The following NEGR1 variants were observed in gnomAD, a reference collection of about 807,000 sequenced individuals.
NEGR1 encodes the protein IgLON family member 4.
Under a neutral mutation model 40.9 loss-of-function variants are expected in NEGR1, and 10 were observed. That is an observed-to-expected ratio of 0.24 (90% confidence interval 0.15 to 0.42). The LOEUF (loss-of-function observed/expected upper bound fraction) is 0.42, where lower values mean the gene tolerates loss of function less well. Among genes scored for constraint, NEGR1 ranks in the 10% least tolerant of loss-of-function variants. NEGR1 has a pLI of 1.00. For missense variants in NEGR1, 352 were observed against 438.9 expected (o/e 0.80, Z 1.77); for synonymous variants, 185 against 166.8 (o/e 1.11, Z -0.84).
At chr1:72,165,089 A>C (rs1412477112) in intron 1 of NEGR1, among the ~76,000 whole-genome samples, 1 of 151,980 alleles carries the variant, frequency 6.6e-6, no homozygotes, top group Non-Finnish European at 1.5e-5. Context: ...CATTGGTATT[A>C]TATTAAACAA....
intron 5 of NEGR1, among the ~76,000 whole-genome samples, chr1:71,600,034 A>G (rs1239137464): frequency 6.6e-6 from 1 of 152,222 alleles, no homozygotes; most frequent in Non-Finnish European, 1.5e-5. Context: ...CATTTCTCAG[A>G]AACTATATTC....
rs192566768 is a variant in NEGR1, at chr1:71,614,944, A to C, written c.668-3798T>G. Among the ~76,000 whole-genome samples the C allele has an allele frequency of 3.1e-3, 470 of 152,318 alleles. 5 individuals carry two copies. Among genetic ancestry groups the C allele is most frequent in the Non-Finnish European group, 3.2e-3 (221 of 68,036 alleles). ...TATGATGGACACCGAAAATGGAAAG[A>C]TATCTAAAATGTCACATGGAAATAT... On this transcript the variant is annotated intron_variant, in intron 4 of 6. Transcript: ENST00000357731.
At chr1:71,642,856 T>C (rs1450966096) in intron 4 of NEGR1, among the ~76,000 whole-genome samples, 1 of 152,024 alleles carries the variant, frequency 6.6e-6, no homozygotes, top group African/African-American at 2.4e-5. Context: ...TTGTGGTCTT[T>C]CTTTTTCTGA....
At chr1:72,216,384 C>CATATATATATATATACATATATAT (rs1653812818) in intron 1 of NEGR1, among the ~76,000 whole-genome samples, 1 of 129,260 alleles carries the variant, frequency 7.7e-6, no homozygotes, top group Non-Finnish European at 1.6e-5. Flanking sequence ...TATATATATA[C>CATATATATATATATACATATATAT]ATATATATAT....
intron 6 of NEGR1, among the ~76,000 whole-genome samples, chr1:71,587,718 G>GT (rs1432804362): frequency 1.3e-5 from 2 of 151,740 alleles, no homozygotes; most frequent in Admixed American, 1.3e-4. Flanking sequence ...ATTAGGACTT[G>GT]TAGAACCTAT....
At chr1:71,666,828 T>C (rs1377365715) in intron 4 of NEGR1, among the ~76,000 whole-genome samples, 1 of 152,220 alleles carries the variant, frequency 6.6e-6, no homozygotes. Flanking sequence ...TAAGTTTCAT[T>C]GCAAACCACA....
At chr1:72,099,961 A>G (rs1305946832) in intron 1 of NEGR1, among the ~76,000 whole-genome samples, 2 of 152,018 alleles carry the variant, frequency 1.3e-5, no homozygotes, top group Non-Finnish European at 1.5e-5. Context: ...ACATTCTTAT[A>G]TTTAACCATT....
At chr1:71,722,156 G>C (rs570581217) in intron 3 of NEGR1, among the ~76,000 whole-genome samples, 1 of 152,152 alleles carries the variant, frequency 6.6e-6, no homozygotes, top group Non-Finnish European at 1.5e-5. Flanking sequence ...AGATTGAGGA[G>C]GCATGAGTAG....
intron 1 of NEGR1, among the ~76,000 whole-genome samples, chr1:72,248,134 T>C (rs1654962010): frequency 2.0e-5 from 3 of 152,080 alleles, no homozygotes; most frequent in African/African-American, 7.2e-5. Flanking sequence ...CCAGCCCCAC[T>C]TCCAGCACTG....
intron 3 of NEGR1, among the ~76,000 whole-genome samples, chr1:71,772,059 A>T (rs964320473): frequency 6.6e-6 from 1 of 152,226 alleles, no homozygotes; most frequent in African/African-American, 2.4e-5. Context: ...ATTGAAAATA[A>T]CATCACAAAT....
At position 71,948,496 on chromosome 1, in the gene NEGR1, TGAGA is replaced by T. The variant is rs200382559; in HGVS notation, c.177-13189_177-13186del. ...TTCAAAAGGGGCGTGTGTGTGTGTG[TGAGA>T]GAGAGAGAGAGAGAGAGACAGGAGA... On this transcript the variant is annotated intron_variant, in intron 1 of 6. Coordinates refer to ENST00000357731, the MANE Select transcript of NEGR1 (RefSeq NM_173808.3). Among the ~76,000 whole-genome samples, 571 of 148,556 alleles carry T rather than the reference TGAGA, an allele frequency of 3.8e-3. 2 individuals carry two copies. The highest frequency in any genetic ancestry group is 6.4e-3 in the Non-Finnish European group (430 of 67,044).
intron 2 of NEGR1, among the ~76,000 whole-genome samples, chr1:71,850,504 C>T (rs1310097533): frequency 2.0e-5 from 3 of 152,046 alleles, no homozygotes; most frequent in Non-Finnish European, 4.4e-5. Flanking sequence ...TCAAAATAAA[C>T]TCCTACACGG....
chr1:71,660,043 C>T (rs186816402), intron 4 of NEGR1, among the ~76,000 whole-genome samples: 146 of 152,204 alleles, frequency 9.6e-4, no homozygotes, highest in Middle Eastern at 3.4e-3. Context: ...CATAGCAGTA[C>T]TATTTGCAAT....
At chr1:72,193,548 G>A (rs1652896864) in intron 1 of NEGR1, among the ~76,000 whole-genome samples, 1 of 151,552 alleles carries the variant, frequency 6.6e-6, no homozygotes, top group African/African-American at 2.4e-5. Flanking sequence ...CCATCTTGCT[G>A]GGATGACTTG....
At chr1:71,987,866 G>A (rs934616008) in intron 1 of NEGR1, among the ~76,000 whole-genome samples, 5 of 152,140 alleles carry the variant, frequency 3.3e-5, no homozygotes, top group African/African-American at 9.7e-5. Flanking sequence ...AACTCTGAAA[G>A]GATGTGTGTA....
At chr1:71,898,405 G>A (rs1208310414) in intron 2 of NEGR1, among the ~76,000 whole-genome samples, 2 of 152,150 alleles carry the variant, frequency 1.3e-5, no homozygotes, top group African/African-American at 4.8e-5. Flanking sequence ...CACGAGGTCA[G>A]GAGATCGAGA....
At chr1:71,831,055 CAT>C (rs1320806248) in intron 2 of NEGR1, among the ~76,000 whole-genome samples, 2 of 151,990 alleles carry the variant, frequency 1.3e-5, no homozygotes, top group African/African-American at 4.8e-5. Flanking sequence ...TAGCCTTCAA[CAT>C]GAGTCCATTG....
intron 6 of NEGR1, among the ~76,000 whole-genome samples, chr1:71,467,960 T>C (rs1170898805): frequency 1.3e-5 from 2 of 152,004 alleles, no homozygotes; most frequent in African/African-American, 2.4e-5. Context: ...CATGCTTAAT[T>C]ATTACATCTT....
At chr1:72,097,849 A>C (rs1648768520) in intron 1 of NEGR1, among the ~76,000 whole-genome samples, 1 of 152,166 alleles carries the variant, frequency 6.6e-6, no homozygotes, top group South Asian at 2.1e-4. Context: ...CATTACAGAG[A>C]TCTCTGGGAT....
Sources: gnomAD v4.1 joint callset for allele counts (sites outside exome capture counted in the v4.1 genomes callset) on GRCh38, gnomAD v4.1.1 for gene constraint, MANE v1.5 for transcripts, NCBI Gene and HGNC (gene_info 2026-07-23, HGNC 2026-07-21) for gene names.